DENND1A: variants seen among roughly 807,000 people sequenced by gnomAD.
DENND1A encodes the protein DENN domain containing 1A, also known as DENN domain-containing protein 1A.
Under a neutral mutation model 113.7 loss-of-function variants are expected in DENND1A, and 51 were observed. That is an observed-to-expected ratio of 0.45 (90% CI 0.36 to 0.57). The LOEUF (loss-of-function observed/expected upper bound fraction) is 0.57, where lower values mean the gene tolerates loss of function less well. Among genes scored for constraint, DENND1A ranks in the 20% least tolerant of loss-of-function variants. The pLI, the probability that DENND1A is intolerant of heterozygous loss-of-function variation, is 0.00. For missense variants in DENND1A, 1,258 were observed against 1,395.9 expected, an observed-to-expected ratio of 0.90 and a Z score of 1.57; for synonymous variants, 565 against 570.8, an observed-to-expected ratio of 0.99 and a Z score of 0.14.
chr9:123,534,751 C>G (rs74845972), intron 13 of DENND1A, among the ~76,000 whole-genome samples: 37 of 152,338 alleles, frequency 2.4e-4, no homozygotes, highest in Non-Finnish European at 4.3e-4. Flanking sequence ...GTTTATAAAC[C>G]ATTCATGTTA....
At chr9:123,596,588 G>A (rs1047716195) in intron 11 of DENND1A, among the ~76,000 whole-genome samples, 1 of 152,142 alleles carries the variant, frequency 6.6e-6, no homozygotes, top group Admixed American at 6.5e-5. Context: ...CCAAAGCCTG[G>A]TGCCTTTCTC....
chr9:123,633,057 G>A (rs1039815014), intron 9 of DENND1A, among the ~76,000 whole-genome samples: 2 of 152,110 alleles, frequency 1.3e-5, no homozygotes, highest in Admixed American at 6.5e-5. Flanking sequence ...ACAGGTGTGT[G>A]CCACCATGCC....
At chr9:123,603,039 G>T (rs2060000641) in intron 11 of DENND1A, among the ~76,000 whole-genome samples, 1 of 152,216 alleles carries the variant, frequency 6.6e-6, no homozygotes, top group Admixed American at 6.5e-5. Context: ...ATCAATTGCA[G>T]CATTAACAAA....
intron 19 of DENND1A, among the ~76,000 whole-genome samples, chr9:123,417,051 G>A (rs2044788274): frequency 6.6e-6 from 1 of 152,228 alleles, no homozygotes; most frequent in Admixed American, 6.5e-5. Flanking sequence ...CTTCAGTATT[G>A]GTTCTGCCAC....
At chr9:123,548,519 AG>A (rs1431299987) in intron 13 of DENND1A, among the ~76,000 whole-genome samples, 1 of 152,238 alleles carries the variant, frequency 6.6e-6, no homozygotes, top group African/African-American at 2.4e-5. Flanking sequence ...TTCCTCAAAA[AG>A]TTAAACGTAG....
intron 12 of DENND1A, among the ~76,000 whole-genome samples, chr9:123,560,062 T>C (rs1458631951): frequency 3.9e-5 from 6 of 152,380 alleles, no homozygotes; most frequent in South Asian, 4.1e-4. Context: ...ACTGTATGGA[T>C]AGACCACATT....
chr9:123,835,924 G>A (rs928510814), intron 2 of DENND1A, among the ~76,000 whole-genome samples: 1 of 152,118 alleles, frequency 6.6e-6, no homozygotes, highest in Non-Finnish European at 1.5e-5. Context: ...AGATGGTTAG[G>A]GGTTGTTTTC....
chr9:123,584,729 G>A (rs1049866971), intron 11 of DENND1A, among the ~76,000 whole-genome samples: 3 of 152,152 alleles, frequency 2.0e-5, no homozygotes, highest in Non-Finnish European at 4.4e-5. Context: ...GCAACCACAG[G>A]CCTGGCTGCC....
chr9:123,630,075 C>T (rs12684141), intron 10 of DENND1A, among the ~76,000 whole-genome samples: 2,762 of 152,134 alleles, frequency 0.018, 62 homozygotes, highest in African/African-American at 0.056. Context: ...GAGTCTCACT[C>T]TGTTGCCCGG....
chr9:123,799,970 T>C (rs1317603028), intron 2 of DENND1A, among the ~76,000 whole-genome samples: 1 of 152,242 alleles, frequency 6.6e-6, no homozygotes, highest in Non-Finnish European at 1.5e-5. Flanking sequence ...TACAGATGTA[T>C]AGGTGTGCCT....
intron 8 of DENND1A, among the ~76,000 whole-genome samples, chr9:123,662,500 T>C (rs893807353): frequency 6.6e-6 from 1 of 152,108 alleles, no homozygotes; most frequent in South Asian, 2.1e-4. Flanking sequence ...GAGGTGGAGT[T>C]TGCAGTGAGC....
intron 5 of DENND1A, among the ~76,000 whole-genome samples, chr9:123,709,654 C>A (rs2066457365): frequency 6.6e-6 from 1 of 152,210 alleles, no homozygotes; most frequent in Non-Finnish European, 1.5e-5. Context: ...CCTATACACC[C>A]TAACGTCTGC....
intron 11 of DENND1A, among the ~76,000 whole-genome samples, chr9:123,594,168 C>T (rs1252204461): frequency 6.6e-6 from 1 of 152,172 alleles, no homozygotes; most frequent in Non-Finnish European, 1.5e-5. Flanking sequence ...TCTCCAACTG[C>T]ACTCCTATGG....
rs145062895 is a variant in DENND1A at position 123,538,749 on chromosome 9, AGTGTGT to A, written c.993+18815_993+18820del. 5.5e-3 allele frequency among the ~76,000 whole-genome samples: 497 copies of A among 91,016 alleles called. 2 individuals are homozygous for A. The highest frequency in any genetic ancestry group is 9.4e-3 in the Non-Finnish European group (408 of 43,526). The allele number at this position is 91,016 out of a possible 152,430, so 59.7% of individuals were successfully genotyped here. A position where few individuals can be genotyped will look rare whatever the true frequency, so the allele number is the denominator to read the frequency against. On this transcript the variant is annotated intron_variant, in intron 13 of 23. Coordinates refer to ENST00000394215, the MANE Select transcript of DENND1A (RefSeq NM_001352964.2). ...AATCCACCAGGCAATTATGTGTGTG[AGTGTGT>A]GTGTGTGTGTGTGTGTGTGTGTGTG...
chr9:123,479,454 T>C (rs1051282142), intron 13 of DENND1A, among the ~76,000 whole-genome samples: 10 of 152,234 alleles, frequency 6.6e-5, no homozygotes, highest in African/African-American at 2.4e-4. Context: ...CTTTCGGCTT[T>C]TCAGGTGGCT....
chr9:123,869,305 C>A (rs964101096), intron 2 of DENND1A, among the ~76,000 whole-genome samples: 1 of 152,314 alleles, frequency 6.6e-6, no homozygotes, highest in East Asian at 1.9e-4. Context: ...ATAATCTCTG[C>A]GCTCATGGAG....
chr9:123,658,171 C>G (rs1317368399), intron 8 of DENND1A, among the ~76,000 whole-genome samples: 2 of 152,142 alleles, frequency 1.3e-5, no homozygotes, highest in Non-Finnish European at 2.9e-5. Context: ...ATTCTAACTG[C>G]TTTCCTCGCA....
chr9:123,623,087 A>G (rs2061032985), intron 10 of DENND1A, among the ~76,000 whole-genome samples: 2 of 152,072 alleles, frequency 1.3e-5, no homozygotes, highest in Non-Finnish European at 2.9e-5. Context: ...TTTTCTTTTC[A>G]TTCTTATGCC....
intron 9 of DENND1A, among the ~76,000 whole-genome samples, chr9:123,635,155 G>A (rs1033120946): frequency 6.6e-6 from 1 of 152,060 alleles, no homozygotes; most frequent in Non-Finnish European, 1.5e-5. Flanking sequence ...CAATGCCTCC[G>A]CTGAATCCTA....
Sources: gnomAD v4.1 joint callset for allele counts (sites outside exome capture counted in the v4.1 genomes callset) on GRCh38, gnomAD v4.1.1 for gene constraint, MANE v1.5 for transcripts, NCBI Gene and HGNC (gene_info 2026-07-23, HGNC 2026-07-21) for gene names.